Variants in ITLN2 observed in about 807,000 individuals in gnomAD.
ITLN2 encodes the protein intelectin 2, also known as intelectin-2.
Under a neutral mutation model 39.4 loss-of-function variants are expected in ITLN2, and 29 were observed. That is an observed-to-expected ratio of 0.74 (90% confidence interval 0.55 to 1.00). The LOEUF (loss-of-function observed/expected upper bound fraction) is 1.00, where lower values mean the gene tolerates loss of function less well. Among genes scored for constraint, ITLN2 ranks in the 50% least tolerant of loss-of-function variants. The probability of loss-of-function intolerance (pLI) is 0.00; values close to 1 mark genes in which losing one functional copy is unlikely to be tolerated. For synonymous variants in ITLN2, 156 were observed against 153.4 expected, an observed-to-expected ratio of 1.02 and a Z score of -0.12; for missense variants, 412 against 416.7, an observed-to-expected ratio of 0.99 and a Z score of 0.10.
intron 7 of ITLN2, among the ~76,000 whole-genome samples, chr1:160,946,724 A>AG (rs1187469497): frequency 2.0e-5 from 3 of 152,090 alleles, no homozygotes; most frequent in African/African-American, 7.2e-5. Flanking sequence ...AAGAAAAAAA[A>AG]AAAGAAAGAA....
intron 2 of ITLN2, 39 bp downstream of exon 2, chr1:160,954,347 GC>G: frequency 6.9e-7 from 1 of 1,442,082 alleles, no homozygotes; most frequent in Non-Finnish European, 9.6e-7. Flanking sequence ...GCAGAGGGGA[GC>G]CCAGGAAACT....
intron 6 of ITLN2, 97 bp from the exon 7 acceptor site, chr1:160,948,129 T>G (rs991082632): frequency 2.0e-5 from 19 of 971,850 alleles, no homozygotes; most frequent in Non-Finnish European, 2.7e-5. Context: ...AGCCAAAAGC[T>G]GAGGCTACAG....
intron 7 of ITLN2, among the ~76,000 whole-genome samples, chr1:160,947,543 A>C (rs2101936880): frequency 6.6e-6 from 1 of 152,326 alleles, no homozygotes; most frequent in East Asian, 1.9e-4. Flanking sequence ...AGGCTGTCTC[A>C]GTGGGGGAAA....
intron 4 of ITLN2, 34 bp downstream of exon 4, chr1:160,951,009 A>G: frequency 6.2e-7 from 1 of 1,613,608 alleles, no homozygotes; most frequent in Non-Finnish European, 8.5e-7. Context: ...TCCACACCTC[A>G]CCCTCACCCA....
In ITLN2 at chr1:160,946,457, A is replaced by G. The variant is rs1373962373; in HGVS notation, c.826-1165T>C. On this transcript the variant is annotated intron_variant, in intron 7 of 7. Coordinates refer to ENST00000368029, the MANE Select transcript of ITLN2 (RefSeq NM_080878.3). ...CTGGGCGTGGTGGCTCACGCCAGTAATCCCAGCACTTTGGGAGGCCGAGAC... is the reference window on the plus strand; with the variant it reads ...CTGGGCGTGGTGGCTCACGCCAGTAGTCCCAGCACTTTGGGAGGCCGAGAC... Among the ~76,000 whole-genome samples, 4 of 152,254 alleles carry G rather than the reference A, an allele frequency of 2.6e-5. No homozygotes were observed. The East Asian group carries it at 7.7e-4, about 29-fold the overall frequency.
At chr1:160,952,243 C>T (rs1671761277) in intron 3 of ITLN2, among the ~76,000 whole-genome samples, 1 of 152,164 alleles carries the variant, frequency 6.6e-6, no homozygotes, top group Non-Finnish European at 1.5e-5. Flanking sequence ...TCACCTGGCC[C>T]AGTACAAGAA....
intron 3 of ITLN2, among the ~76,000 whole-genome samples, chr1:160,951,948 A>C (rs551166329): frequency 6.6e-6 from 1 of 152,156 alleles, no homozygotes; most frequent in African/African-American, 2.4e-5. Context: ...CTGAAGAGGT[A>C]TGAGGCTTTT....
At chr1:160,952,352 G>A (rs1170621582) in intron 3 of ITLN2, among the ~76,000 whole-genome samples, 2 of 152,052 alleles carry the variant, frequency 1.3e-5, no homozygotes, top group Admixed American at 6.5e-5. Flanking sequence ...ATAAACCTGG[G>A]GCAAGTAGGG....
intron 3 of ITLN2, among the ~76,000 whole-genome samples, chr1:160,952,143 A>G (rs765250599): frequency 4.6e-5 from 7 of 152,202 alleles, no homozygotes; most frequent in African/African-American, 7.2e-5. Context: ...CTATGTGAGT[A>G]ATAAACTCTC....
intron 5 of ITLN2, among the ~76,000 whole-genome samples, 181 bp from the exon 6 acceptor site, chr1:160,950,347 C>T (rs1671712079): frequency 5.3e-5 from 8 of 152,182 alleles, no homozygotes; most frequent in African/African-American, 1.9e-4. Flanking sequence ...CTCTTTCTCC[C>T]CATGCTTTCC....
At chr1:160,948,751 C>G (rs908016689) in intron 6 of ITLN2, 1 of 152,232 alleles carries the variant, frequency 6.6e-6, no homozygotes, top group Non-Finnish European at 1.5e-5. Context: ...CTCAGCCTCC[C>G]GAGGAGCTGG....
intron 5 of ITLN2, 52 bp from the exon 6 acceptor site, chr1:160,950,218 AGT>A: frequency 6.3e-7 from 1 of 1,596,810 alleles, no homozygotes; most frequent in African/African-American, 1.3e-5. Flanking sequence ...ATGCTGCCAC[AGT>A]GTGGGGGGAG....
chr1:160,947,654 T>C (rs147298256), intron 7 of ITLN2, among the ~76,000 whole-genome samples: 1,687 of 152,328 alleles, frequency 0.011, 25 homozygotes, highest in African/African-American at 0.039. Context: ...GCGATGACTT[T>C]TACCAAGCAT....
chr1:160,950,483 G>A, intron 5 of ITLN2, 70 bp downstream of exon 5: 3 of 1,543,706 alleles, frequency 1.9e-6, no homozygotes, highest in Non-Finnish European at 1.8e-6. Flanking sequence ...GGACAGATCT[G>A]CCCCCTACCC....
intron 7 of ITLN2, 25 bp downstream of exon 7, chr1:160,947,904 G>T (rs376789434): frequency 4.1e-6 from 6 of 1,465,556 alleles, no homozygotes; most frequent in Non-Finnish European, 3.8e-6. Flanking sequence ...CCACACGTGG[G>T]CCATTGATCT....
Position 160,954,763 on chromosome 1 carries a change from A to G in ITLN2, c.-22T>C, listed in dbSNP as rs1671824584. 1 of 1,613,578 alleles carries G rather than the reference A, an allele frequency of 6.2e-7. No individual in the cohort carries two copies. The highest frequency in any genetic ancestry group is 1.3e-5 in the African/African-American group (1 of 74,904). Reference sequence around the variant, plus strand: ...GCATCCTTACAGATGCCAGGAGCTGATAGTTCCCTTCCTGTGGACACTCGG... The same window carrying G: ...GCATCCTTACAGATGCCAGGAGCTGGTAGTTCCCTTCCTGTGGACACTCGG... On this transcript the variant is annotated 5_prime_UTR_variant, in exon 1 of 8. Coordinates refer to ENST00000368029, the MANE Select transcript of ITLN2 (RefSeq NM_080878.3).
At chr1:160,945,352 C>CGCA (rs1165409586) in intron 7 of ITLN2, 60 bp from the exon 8 acceptor site, 2 of 1,448,142 alleles carry the variant, frequency 1.4e-6, no homozygotes, top group Admixed American at 5.5e-5. Context: ...CACCAGTGAG[C>CGCA]GCAAGGCTGG....
intron 4 of ITLN2, 141 bp downstream of exon 4, chr1:160,950,902 T>C (rs1205182745): frequency 5.3e-6 from 8 of 1,517,644 alleles, no homozygotes; most frequent in African/African-American, 2.7e-5. Flanking sequence ...TGAGAGGAAG[T>C]TGTGATTCAA....
In ITLN2 at chr1:160,950,116, T is replaced by C. The variant is rs752520516; in HGVS notation, c.651A>G (p.Pro217=). The C allele has an allele frequency of 3.7e-6, 6 of 1,613,516 alleles. No homozygotes were observed. In the African/African-American group the frequency reaches 6.7e-5, roughly 18 times the overall value. ...CAAAGTCATAGACCACAGGTATGGC[T>C]GGGCCATTGTCATTCCAACATTTCC... is the stretch of plus-strand genomic sequence containing the variant. ...RSGKCWNDNG[P]AIPVVYDFGD... is the part of the protein sequence containing the mutation. Residue 217 remains proline, a synonymous_variant, in exon 6 of 8, where the codon CCA becomes CCG. Transcript: ENST00000368029.
Sources: allele counts gnomAD v4.1 joint callset (sites outside exome capture counted in the v4.1 genomes callset), GRCh38; gene constraint gnomAD v4.1.1; transcripts MANE v1.5; gene names NCBI Gene and HGNC (gene_info 2026-07-23, HGNC 2026-07-21).